Variants in UGT1A7 observed in about 807,000 individuals in gnomAD.
UGT1A7 encodes the protein UDP-glucuronosyltransferase 1A7.
In UGT1A7, 33 loss-of-function variants were observed where a neutral mutation model predicts 45.6. The ratio of observed to expected loss-of-function variants is 0.72; its 90% CI spans 0.55 to 0.97. UGT1A7 has a LOEUF of 0.97. UGT1A7 is among the 50% of genes least tolerant of loss of function. The pLI is 0.00. For missense variants in UGT1A7, 684 were observed against 666.2 expected, an observed-to-expected ratio of 1.03 and a Z score of -0.29; for synonymous variants, 274 against 250.6, an observed-to-expected ratio of 1.09 and a Z score of -0.88.
chr2:233,714,620 A>T (rs1224138567), intron 1 of UGT1A7, among the ~76,000 whole-genome samples: 1 of 152,256 alleles, frequency 6.6e-6, no homozygotes, highest in East Asian at 1.9e-4. Context: ...CAGCAAAAAG[A>T]AACCACTAAA....
At chr2:233,703,008 A>T (rs1220956352) in intron 1 of UGT1A7, among the ~76,000 whole-genome samples, 1 of 152,230 alleles carries the variant, frequency 6.6e-6, no homozygotes, top group Admixed American at 6.5e-5. Context: ...TTTTGGGAAC[A>T]GTCTGTCAAG....
At chr2:233,713,574 C>G in intron 1 of UGT1A7, 2 of 1,613,974 alleles carry the variant, frequency 1.2e-6, no homozygotes, top group Non-Finnish European at 1.7e-6. Context: ...CTCCTATATT[C>G]CTAGATTACT....
At position 233,772,385 on chromosome 2, in the gene UGT1A7, C is replaced by A. The variant is rs28900406; in HGVS notation, c.1419C>A (p.Pro473=). ...ACAAGGGCGCGCCACACCTGCGCCCCGCAGCCCACGACCTCACCTGGTACC... is the reference window on the plus strand; with the variant it reads ...ACAAGGGCGCGCCACACCTGCGCCCAGCAGCCCACGACCTCACCTGGTACC... ...MRHKGAPHLR[P]AAHDLTWYQY... is the part of the protein sequence containing the mutation. The change falls in exon 5 of 5, where the codon CCC becomes CCA. Residue 473 remains proline (P), a synonymous_variant. Transcript: ENST00000373426. 3 of 1,614,128 alleles carry A rather than the reference C, an allele frequency of 1.9e-6. No individual in the cohort carries two copies. The African/African-American group carries it at 4.0e-5, about 22-fold the overall frequency.
At chr2:233,713,588 G>A (rs757953285) in intron 1 of UGT1A7, 87 of 1,613,728 alleles carry the variant, frequency 5.4e-5, no homozygotes, top group Non-Finnish European at 6.6e-5. Context: ...GATTACTAAC[G>A]ACCAATTCAG....
Position 233,714,841 on chromosome 2 carries a change from T to C in UGT1A7, c.855+32049T>C, listed in dbSNP as rs560513548. Among the ~76,000 whole-genome samples, 282 of 152,342 alleles carry C rather than the reference T, an allele frequency of 1.9e-3. 2 individuals are homozygous for C. Among genetic ancestry groups the C allele is most frequent in the African/African-American group, 6.5e-3 (270 of 41,588 alleles). ...GTGACAACAATATGGTGAATGTTTATAAATATTCCATGGATAAAACTAAAA... is the reference window on the plus strand; with the variant it reads ...GTGACAACAATATGGTGAATGTTTACAAATATTCCATGGATAAAACTAAAA... On this transcript the variant is annotated intron_variant, in intron 1 of 4. Coordinates refer to ENST00000373426, the MANE Select transcript of UGT1A7 (RefSeq NM_019077.3).
At chr2:233,710,529 T>A (rs1407208891) in intron 1 of UGT1A7, among the ~76,000 whole-genome samples, 1 of 152,266 alleles carries the variant, frequency 6.6e-6, no homozygotes, top group Admixed American at 6.5e-5. Flanking sequence ...AATCTTTTCA[T>A]GTGCTTATTG....
chr2:233,725,800 A>G (rs1559371046), intron 1 of UGT1A7, among the ~76,000 whole-genome samples: 1 of 152,288 alleles, frequency 6.6e-6, no homozygotes, highest in East Asian at 1.9e-4. Flanking sequence ...AATAATCCTT[A>G]AAATCCATTT....
In UGT1A7 at chr2:233,710,287, G is replaced by A. The variant is rs1349659721; in HGVS notation, c.855+27495G>A. On this transcript the variant is annotated intron_variant, in intron 1 of 4. Coordinates refer to ENST00000373426, the MANE Select transcript of UGT1A7 (RefSeq NM_019077.3). ...TTTTCTTGGGTAAATACTTAAAAGT[G>A]GGATTGTTGGGTTGCATGGTAGGTG... is the stretch of plus-strand genomic sequence containing the variant. Among the ~76,000 whole-genome samples, 3 of 152,190 alleles carry A rather than the reference G, an allele frequency of 2.0e-5. No homozygotes were observed. In the East Asian group the frequency reaches 5.8e-4, roughly 29 times the overall value.
At chr2:233,712,339 T>A (rs545397552) in intron 1 of UGT1A7, among the ~76,000 whole-genome samples, 7 of 152,174 alleles carry the variant, frequency 4.6e-5, no homozygotes, top group Non-Finnish European at 1.0e-4. Context: ...AATCTGATCA[T>A]CACATCTTGA....
chr2:233,748,080 G>T, intron 1 of UGT1A7: 3 of 1,613,126 alleles, frequency 1.9e-6, no homozygotes, highest in South Asian at 2.2e-5. Flanking sequence ...ACTATCTCAG[G>T]TCGGTGTTCG....
intron 1 of UGT1A7, chr2:233,721,833 A>G (rs1417252749): frequency 1.9e-6 from 1 of 515,974 alleles, no homozygotes; most frequent in African/African-American, 1.9e-5. Flanking sequence ...TGGGCCACCG[A>G]CCTTGTGTCC....
intron 1 of UGT1A7, among the ~76,000 whole-genome samples, chr2:233,710,084 T>C (rs2076109841): frequency 6.6e-6 from 1 of 152,220 alleles, no homozygotes. Context: ...CCTTTCACAT[T>C]GTTGCATGTA....
intron 1 of UGT1A7, among the ~76,000 whole-genome samples, chr2:233,728,192 C>T (rs2077688908): frequency 6.6e-6 from 1 of 152,192 alleles, no homozygotes; most frequent in Non-Finnish European, 1.5e-5. Context: ...GAACTTGGTG[C>T]TGGATTGACT....
chr2:233,744,019 G>T, intron 1 of UGT1A7: 1 of 997,712 alleles, frequency 1.0e-6, no homozygotes. Flanking sequence ...GCCGCCTGGA[G>T]AGACGCCCCT....
intron 1 of UGT1A7, chr2:233,755,833 G>C (rs1270609595): frequency 1.3e-5 from 2 of 152,294 alleles, no homozygotes; most frequent in Non-Finnish European, 2.9e-5. Flanking sequence ...CATATTCATT[G>C]GGCAATTTAA....
intron 1 of UGT1A7, chr2:233,718,700 T>C: frequency 1.0e-5 from 16 of 1,599,044 alleles, no homozygotes; most frequent in Non-Finnish European, 1.3e-5. Flanking sequence ...GAGGGCACTT[T>C]GTCTTCCAAT....
intron 1 of UGT1A7, among the ~76,000 whole-genome samples, chr2:233,720,226 G>C (rs989732732): frequency 6.6e-6 from 1 of 152,194 alleles, no homozygotes; most frequent in Non-Finnish European, 1.5e-5. Flanking sequence ...CATGTGATCA[G>C]AGAATGAAAC....
intron 1 of UGT1A7, among the ~76,000 whole-genome samples, chr2:233,726,402 T>A (rs1404707610): frequency 6.6e-6 from 1 of 152,206 alleles, no homozygotes; most frequent in Non-Finnish European, 1.5e-5. Flanking sequence ...AGTCTTTTGA[T>A]GTCAGCATTC....
At chr2:233,729,488 C>T (rs768406163) in intron 1 of UGT1A7, 3 of 1,614,180 alleles carry the variant, frequency 1.9e-6, no homozygotes, top group South Asian at 2.2e-5. Context: ...AACAATATGT[C>T]TTTGGTCTAT....
Sources: gnomAD v4.1 joint callset for allele counts (sites outside exome capture counted in the v4.1 genomes callset) on GRCh38, gnomAD v4.1.1 for gene constraint, MANE v1.5 for transcripts, NCBI Gene and HGNC (gene_info 2026-07-23, HGNC 2026-07-21) for gene names.